Variants in C14orf132 observed in about 807,000 individuals in gnomAD.
C14orf132 encodes uncharacterized protein C14orf132.
In C14orf132, 6 loss-of-function variants were observed where a neutral mutation model predicts 5.8. The ratio of observed to expected loss-of-function variants is 1.03; its 90% CI spans 0.57 to 2.04. The LOEUF (loss-of-function observed/expected upper bound fraction) is 2.04. C14orf132 is among the 30% of genes most tolerant of loss of function. The pLI is 0.00. For missense variants in C14orf132, 125 were observed against 115.8 expected (o/e 1.08, Z -0.37); for synonymous variants, 51 against 49.8 (o/e 1.02, Z -0.10).
At chr14:96,043,179 A>T (rs1231937066) in intron 1 of C14orf132, among the ~76,000 whole-genome samples, 1 of 152,226 alleles carries the variant, frequency 6.6e-6, no homozygotes, top group African/African-American at 2.4e-5. Flanking sequence ...AAGAGAATGC[A>T]GTATTGGTGA....
Position 96,040,918 on chromosome 14 carries a change from T to C in C14orf132, c.27+1391T>C, listed in dbSNP as rs757326068. 7.2e-4 allele frequency among the ~76,000 whole-genome samples: 110 copies of C among 152,148 alleles called. 1 individual carries two copies. Among genetic ancestry groups the C allele is most frequent in the Admixed American group, 3.9e-4 (6 of 15,276 alleles). On this transcript the variant is annotated intron_variant, in intron 1 of 1. Coordinates refer to ENST00000555004, the MANE Select transcript of C14orf132 (RefSeq NM_001252507.3). ...AACTGTGTCTGCCTTCCCCTCTGGA[T>C]CCCACTGAACCTCCGGAATTTCCAT...
At chr14:96,075,822 A>G (rs1887848002) in intron 1 of C14orf132, among the ~76,000 whole-genome samples, 1 of 152,014 alleles carries the variant, frequency 6.6e-6, no homozygotes, top group African/African-American at 2.4e-5. Context: ...CTCGTTGACT[A>G]CTTTTTGTCT....
intron 1 of C14orf132, among the ~76,000 whole-genome samples, chr14:96,070,637 A>T (rs1289985766): frequency 2.9e-5 from 4 of 137,134 alleles, no homozygotes; most frequent in Non-Finnish European, 6.5e-5. Flanking sequence ...CACACACTGC[A>T]CTGACCCCTT....
chr14:96,083,721 G>A (rs928163539), intron 1 of C14orf132, among the ~76,000 whole-genome samples: 1 of 152,212 alleles, frequency 6.6e-6, no homozygotes, highest in African/African-American at 2.4e-5. Context: ...CCAACACTTC[G>A]ATTTTAGTCT....
chr14:96,086,497 C>A lies in C14orf132; in HGVS notation c.28-14C>A. ...CCCATGGCCCTGGATAATTCTCTCT[C>A]TCCTTCTTTGCAGCTGCCCATGATG... is the stretch of plus-strand genomic sequence containing the variant. On this transcript the variant is annotated splice_polypyrimidine_tract_variant and intron_variant, in intron 1 of 1. Transcript: ENST00000555004. The A allele has an allele frequency of 6.5e-7, 1 of 1,535,798 alleles. No homozygotes were observed. Among genetic ancestry groups the A allele is most frequent in the South Asian group, 1.2e-5 (1 of 84,038 alleles).
chr14:96,050,690 C>T (rs1170057259), intron 1 of C14orf132, among the ~76,000 whole-genome samples: 1 of 152,032 alleles, frequency 6.6e-6, no homozygotes, highest in Non-Finnish European at 1.5e-5. Context: ...CCATTGAGCC[C>T]TGCCTGAGTT....
In C14orf132 at chr14:96,086,572, C is replaced by A. The variant is rs754732970; in HGVS notation, c.89C>A (p.Ser30Tyr). The A allele has an allele frequency of 6.5e-7, 1 of 1,536,132 alleles. No individual in the cohort carries two copies. The highest frequency in any genetic ancestry group is 8.7e-7 in the Non-Finnish European group (1 of 1,146,914). The change falls in exon 2 of 2, where the codon TCC (serine) becomes TAC (tyrosine). Residue 30 changes from serine (S) to tyrosine (Y), a missense_variant. Physicochemically the swap from Ser to Tyr is moderately radical, Grantham distance 144 (BLOSUM62 -2). Coordinates refer to ENST00000555004, the MANE Select transcript of C14orf132 (RefSeq NM_001252507.3). ...AACGAGGACTTCAGCACCGAGTACT[C>A]CCTGTTTAACTCCTCTGCCAATGTC... Reference protein sequence around the residue: ...SPNEDFSTEYSLFNSSANVHA... With the variant: ...SPNEDFSTEYYLFNSSANVHA...
chr14:96,064,359 T>TACACACACAC (rs766139041), intron 1 of C14orf132, among the ~76,000 whole-genome samples: 18 of 98,692 alleles, frequency 1.8e-4, no homozygotes, highest in South Asian at 1.0e-3. Flanking sequence ...CTAGGGTGCA[T>TACACACACAC]ATATACACAC....
At chr14:96,084,787 T>A (rs1888129610) in intron 1 of C14orf132, among the ~76,000 whole-genome samples, 1 of 152,166 alleles carries the variant, frequency 6.6e-6, no homozygotes, top group Non-Finnish European at 1.5e-5. Flanking sequence ...GGTCAATAAC[T>A]GCCCTATTCC....
At chr14:96,075,736 AT>A (rs370877489) in intron 1 of C14orf132, among the ~76,000 whole-genome samples, 1 of 151,812 alleles carries the variant, frequency 6.6e-6, no homozygotes, top group Non-Finnish European at 1.5e-5. Flanking sequence ...GTAAGGATTG[AT>A]TTTTTTTGGA....
intron 1 of C14orf132, among the ~76,000 whole-genome samples, chr14:96,044,317 G>A (rs1247935784): frequency 6.6e-6 from 1 of 152,170 alleles, no homozygotes; most frequent in Non-Finnish European, 1.5e-5. Context: ...GGGGCTACAG[G>A]CACATGCCAC....
Position 96,054,357 on chromosome 14 carries a change from G to A in C14orf132, c.27+14830G>A, listed in dbSNP as rs148655277. Among the ~76,000 whole-genome samples, 1,067 of 152,294 alleles carry A rather than the reference G, an allele frequency of 7.0e-3. 19 individuals are homozygous for A. The highest frequency in any genetic ancestry group is 0.024 in the African/African-American group (1,007 of 41,548). The stretch of plus-strand genomic sequence containing the variant: ...TTCTCATTTGTGCAGTGCACTGATG[G>A]TAGTTATGATACGTTGCCACAAGCC... On this transcript the variant is annotated intron_variant, in intron 1 of 1. Transcript: ENST00000555004.
chr14:96,064,356 G>A (rs201805470), intron 1 of C14orf132, among the ~76,000 whole-genome samples: 1,263 of 68,610 alleles, frequency 0.018, 40 homozygotes, highest in East Asian at 0.14. Flanking sequence ...AAACTAGGGT[G>A]CATATATACA....
intron 1 of C14orf132, among the ~76,000 whole-genome samples, chr14:96,059,845 T>C (rs940655175): frequency 6.6e-5 from 10 of 152,214 alleles, no homozygotes; most frequent in African/African-American, 2.2e-4. Context: ...GGGTCTTCTG[T>C]GGCTTCCTCC....
intron 1 of C14orf132, among the ~76,000 whole-genome samples, chr14:96,049,565 T>C (rs1187934808): frequency 4.5e-5 from 6 of 132,402 alleles, no homozygotes; most frequent in Non-Finnish European, 1.0e-4. Flanking sequence ...TATATACGTA[T>C]ATATACATAT....
rs1888389952 is a variant in C14orf132, at chr14:96,091,104, G to C, written c.*4369G>C. The C allele has an allele frequency of 2.3e-6, 1 of 433,666 alleles. No individual in the cohort carries two copies. Among genetic ancestry groups the C allele is most frequent in the Non-Finnish European group, 4.6e-6 (1 of 216,020 alleles). 26.9% of individuals were successfully genotyped at this position (433,666 alleles called of 1,614,324 possible). On this transcript the variant is annotated 3_prime_UTR_variant, in exon 2 of 2. Transcript: ENST00000555004. Reference sequence around the variant, plus strand: ...TTTTCTGTGGAGAAAACTGAGGCCAGGGCTGAACGCTCACAGCTAAGGAGC... The same window carrying C: ...TTTTCTGTGGAGAAAACTGAGGCCACGGCTGAACGCTCACAGCTAAGGAGC...
In C14orf132 at chr14:96,039,999, C is replaced by T. The variant is rs1261356366; in HGVS notation, c.27+472C>T. 1.3e-5 allele frequency among the ~76,000 whole-genome samples: 2 copies of T among 152,030 alleles called. No individual in the cohort carries two copies. Among genetic ancestry groups the T allele is most frequent in the Non-Finnish European group, 2.9e-5 (2 of 67,984 alleles). ...TGACCTCGGGCGCCCCCTTTGCCGC[C>T]GCCTGAGGAAGGCTCTGAGACCCGC... On this transcript the variant is annotated intron_variant, in intron 1 of 1. Coordinates refer to ENST00000555004, the MANE Select transcript of C14orf132 (RefSeq NM_001252507.3). The surrounding 1 kb of genome is among the most constrained non-coding windows in gnomAD (Gnocchi z 5.3).
At chr14:96,044,719 G>C (rs1408025237) in intron 1 of C14orf132, among the ~76,000 whole-genome samples, 1 of 152,140 alleles carries the variant, frequency 6.6e-6, no homozygotes, top group Non-Finnish European at 1.5e-5. Flanking sequence ...TGCAGTCCTT[G>C]GCATTCCTTG....
chr14:96,085,917 A>G (rs954758603), intron 1 of C14orf132, among the ~76,000 whole-genome samples: 3 of 152,118 alleles, frequency 2.0e-5, no homozygotes, highest in Non-Finnish European at 4.4e-5. Context: ...AACAGGGATT[A>G]AAAAACACGT....
Sources: gnomAD v4.1 joint callset for allele counts (sites outside exome capture counted in the v4.1 genomes callset) on GRCh38, gnomAD v4.1.1 for gene constraint, Gnocchi (gnomAD v3.1) non-coding constraint, MANE v1.5 for transcripts, NCBI Gene and HGNC (gene_info 2026-07-23, HGNC 2026-07-21) for gene names.